Variants in NDUFAF2 observed in about 807,000 individuals in gnomAD.
The protein encoded by NDUFAF2 is NADH:ubiquinone oxidoreductase complex assembly factor 2, also known as NADH dehydrogenase [ubiquinone] 1 alpha subcomplex assembly factor 2.
NDUFAF2 carries 13 observed loss-of-function variants against 22.8 expected under a neutral mutation model. The observed-to-expected ratio is 0.57, with a 90% CI of 0.37 to 0.91. The LOEUF (loss-of-function observed/expected upper bound fraction) is 0.91, where lower values mean the gene tolerates loss of function less well. NDUFAF2 is among the 40% of genes least tolerant of loss of function. The probability of loss-of-function intolerance (pLI) is 0.01; values close to 1 mark genes in which losing one functional copy is unlikely to be tolerated. For missense variants in NDUFAF2, 162 were observed against 195.2 expected (o/e 0.83, Z 1.01); for synonymous variants, 53 against 64.2 (o/e 0.83, Z 0.84).
intron 1 of NDUFAF2, among the ~76,000 whole-genome samples, chr5:60,976,667 C>G (rs1347561843): frequency 6.6e-6 from 1 of 152,102 alleles, no homozygotes; most frequent in East Asian, 1.9e-4. Flanking sequence ...AAAAGATTTT[C>G]TTGTCATTTT....
chr5:60,965,830 G>A (rs1304766907), intron 1 of NDUFAF2, among the ~76,000 whole-genome samples: 1 of 151,998 alleles, frequency 6.6e-6, no homozygotes, highest in Non-Finnish European at 1.5e-5. Context: ...AGTGAACATG[G>A]GAGTGCAGAT....
intron 2 of NDUFAF2, among the ~76,000 whole-genome samples, chr5:61,082,602 A>G (rs1264982445): frequency 6.6e-6 from 1 of 152,064 alleles, no homozygotes; most frequent in African/African-American, 2.4e-5. Flanking sequence ...GCTCCCACTT[A>G]TTAGGGAGAA....
At position 60,976,208 on chromosome 5, in the gene NDUFAF2, A is replaced by G. The variant is rs1243558486; in HGVS notation, c.127+30826A>G. 2.0e-5 allele frequency among the ~76,000 whole-genome samples: 3 copies of G among 152,194 alleles called. No homozygotes were observed. In the East Asian group the frequency reaches 5.8e-4, roughly 29 times the overall value. On this transcript the variant is annotated intron_variant, in intron 1 of 3. Transcript: ENST00000296597. Reference sequence around the variant, plus strand: ...AACTTTTTAAAGAACACATTACTAGATGTAAATTTTTAAAAAAATTTAATG... The same window carrying G: ...AACTTTTTAAAGAACACATTACTAGGTGTAAATTTTTAAAAAAATTTAATG...
In NDUFAF2 at chr5:60,976,182, G is replaced by A. The variant is rs560893623; in HGVS notation, c.127+30800G>A. 1.3e-3 allele frequency among the ~76,000 whole-genome samples: 184 copies of A among 138,762 alleles called. 2 individuals carry two copies. The highest frequency in any genetic ancestry group is 2.5e-3 in the Admixed American group (37 of 14,760). 91.0% of individuals were successfully genotyped at this position (138,762 alleles called of 152,430 possible). A position where few individuals can be genotyped will look rare whatever the true frequency, so the allele number is the denominator to read the frequency against. ...CACTAACAGTTTCAAAAATAATAAAGAACTTTTTAAAGAACACATTACTAG... is the reference window on the plus strand; with the variant it reads ...CACTAACAGTTTCAAAAATAATAAAAAACTTTTTAAAGAACACATTACTAG... On this transcript the variant is annotated intron_variant, in intron 1 of 3. Coordinates refer to ENST00000296597, the MANE Select transcript of NDUFAF2 (RefSeq NM_174889.5).
intron 3 of NDUFAF2, among the ~76,000 whole-genome samples, chr5:61,131,482 A>G (rs1318886439): frequency 6.6e-6 from 1 of 152,166 alleles, no homozygotes; most frequent in Non-Finnish European, 1.5e-5. Context: ...TAATGCAGCA[A>G]TTCCAGTTCT....
At chr5:61,082,486 T>C (rs374878514) in intron 2 of NDUFAF2, among the ~76,000 whole-genome samples, 1 of 152,176 alleles carries the variant, frequency 6.6e-6, no homozygotes, top group East Asian at 1.9e-4. Context: ...TATTGCATGA[T>C]TCTGAGGTTT....
At chr5:61,082,898 T>A (rs1752461049) in intron 2 of NDUFAF2, among the ~76,000 whole-genome samples, 1 of 152,210 alleles carries the variant, frequency 6.6e-6, no homozygotes, top group African/African-American at 2.4e-5. Flanking sequence ...GTAATGGGAT[T>A]GCTGGGTCAA....
At chr5:61,092,420 A>T (rs1752580476) in intron 2 of NDUFAF2, among the ~76,000 whole-genome samples, 1 of 151,964 alleles carries the variant, frequency 6.6e-6, no homozygotes, top group African/African-American at 2.4e-5. Context: ...CTCCTTATCG[A>T]GATCTTTCAC....
At chr5:61,076,146 C>T (rs1002034666) in intron 2 of NDUFAF2, among the ~76,000 whole-genome samples, 2 of 152,212 alleles carry the variant, frequency 1.3e-5, no homozygotes, top group Admixed American at 1.3e-4. Flanking sequence ...TCTTGGCTCA[C>T]TGCAGGCTCC....
chr5:61,101,959 C>T (rs1752709729), intron 3 of NDUFAF2, among the ~76,000 whole-genome samples: 2 of 152,114 alleles, frequency 1.3e-5, no homozygotes, highest in Admixed American at 1.3e-4. Context: ...ACCTGAAAGA[C>T]TTGTTAAAAC....
At chr5:61,047,191 C>A (rs1386571252) in intron 1 of NDUFAF2, among the ~76,000 whole-genome samples, 1 of 152,112 alleles carries the variant, frequency 6.6e-6, no homozygotes, top group Non-Finnish European at 1.5e-5. Flanking sequence ...TTAATACAAA[C>A]TGATAGTACA....
rs186730682 is a variant in NDUFAF2, at chr5:61,005,590, G to C, written c.127+60208G>C. Among the ~76,000 whole-genome samples, 13 of 152,192 alleles carry C rather than the reference G, an allele frequency of 8.5e-5. 1 individual carries two copies. The highest frequency in any genetic ancestry group is 2.2e-4 in the African/African-American group (9 of 41,534). ...GCGTTCCTATTTCTCCACATCCTCT[G>C]CAGCACCTGTTGTTTCCTGATTTTT... On this transcript the variant is annotated intron_variant, in intron 1 of 3. Transcript: ENST00000296597.
intron 1 of NDUFAF2, among the ~76,000 whole-genome samples, chr5:61,043,827 A>G (rs370146108): frequency 2.6e-4 from 40 of 152,282 alleles, no homozygotes; most frequent in African/African-American, 9.4e-4. Flanking sequence ...GAGTGCAGAT[A>G]TCTCTTCAGT....
chr5:60,961,188 G>A (rs1750679079), intron 1 of NDUFAF2, among the ~76,000 whole-genome samples: 1 of 152,146 alleles, frequency 6.6e-6, no homozygotes, highest in South Asian at 2.1e-4. Flanking sequence ...GGTCAGGCAT[G>A]GTGGTTCACG....
At chr5:61,117,864 G>T (rs1235371183) in intron 3 of NDUFAF2, among the ~76,000 whole-genome samples, 3 of 152,090 alleles carry the variant, frequency 2.0e-5, no homozygotes, top group East Asian at 3.9e-4. Context: ...ATAAGTAAGT[G>T]TGGCTATATC....
intron 3 of NDUFAF2, among the ~76,000 whole-genome samples, chr5:61,148,955 C>T (rs1741188445): frequency 6.6e-6 from 1 of 152,044 alleles, no homozygotes; most frequent in South Asian, 2.1e-4. Context: ...AAGATACTTC[C>T]ATTTGGTATT....
At chr5:61,129,598 C>T (rs1431334411) in intron 3 of NDUFAF2, among the ~76,000 whole-genome samples, 3 of 141,366 alleles carry the variant, frequency 2.1e-5, no homozygotes, top group African/African-American at 5.4e-5. Flanking sequence ...ACAATGAGAA[C>T]ACTTGGACAC....
In NDUFAF2 at chr5:61,129,955, G is replaced by T. The variant is rs368038252; in HGVS notation, c.259-22749G>T. 5.9e-5 allele frequency among the ~76,000 whole-genome samples: 9 copies of T among 152,052 alleles called. No individual in the cohort carries two copies. The East Asian group carries it at 1.7e-3, about 29-fold the overall frequency. On this transcript the variant is annotated intron_variant, in intron 3 of 3. Transcript: ENST00000296597. ...CCTTGAGAAAATTTTCCAGATAAGA[G>T]CTGTTCTAATTCCTGCCACACTTAA...
intron 3 of NDUFAF2, among the ~76,000 whole-genome samples, chr5:61,107,732 T>C (rs1752785690): frequency 6.6e-6 from 1 of 150,632 alleles, no homozygotes; most frequent in African/African-American, 2.5e-5. Flanking sequence ...TAGTTACATA[T>C]GTATACACGT....
Sources: allele counts gnomAD v4.1 joint callset (sites outside exome capture counted in the v4.1 genomes callset), GRCh38; gene constraint gnomAD v4.1.1; transcripts MANE v1.5; gene names NCBI Gene and HGNC (gene_info 2026-07-23, HGNC 2026-07-21).